Variants in PCED1B observed in about 807,000 individuals in gnomAD.
The protein encoded by PCED1B is PC-esterase domain-containing protein 1B.
For missense variants in PCED1B, 573 were observed against 573.9 expected (o/e 1.00, Z 0.02); for synonymous variants, 251 against 246.1 (o/e 1.02, Z -0.19).
intron 2 of PCED1B, among the ~76,000 whole-genome samples, chr12:47,211,797 T>C (rs950920975): frequency 2.0e-5 from 3 of 150,760 alleles, no homozygotes; most frequent in African/African-American, 7.3e-5. Context: ...ATCTCTCGGC[T>C]GGGCACGGTG....
At chr12:47,100,994 C>T (rs1354935790) in intron 1 of PCED1B, among the ~76,000 whole-genome samples, 3 of 152,026 alleles carry the variant, frequency 2.0e-5, no homozygotes, top group South Asian at 2.1e-4. Context: ...CACTTGAACC[C>T]GGGAGGTGGA....
At chr12:47,124,422 T>G (rs1457103110) in intron 2 of PCED1B, among the ~76,000 whole-genome samples, 1 of 151,950 alleles carries the variant, frequency 6.6e-6, no homozygotes, top group Admixed American at 6.6e-5. Context: ...ATTCACCTGT[T>G]GACAAGCATT....
intron 1 of PCED1B, among the ~76,000 whole-genome samples, chr12:47,100,270 G>T (rs1042946955): frequency 6.6e-6 from 1 of 152,104 alleles, no homozygotes; most frequent in African/African-American, 2.4e-5. Context: ...TGGCATGCTT[G>T]GATCTCTATC....
chr12:47,176,135 A>G (rs1029397160), intron 2 of PCED1B, among the ~76,000 whole-genome samples: 2 of 152,158 alleles, frequency 1.3e-5, no homozygotes, highest in African/African-American at 4.8e-5. Context: ...TAAAATCAGG[A>G]AAACATAAGG....
chr12:47,228,502 A>G (rs146652400), intron 3 of PCED1B, among the ~76,000 whole-genome samples: 124 of 152,310 alleles, frequency 8.1e-4, no homozygotes, highest in African/African-American at 2.2e-3. Flanking sequence ...TCCTTCTTCT[A>G]TTAGAGATAG....
At chr12:47,086,031 G>A (rs939745333) in intron 1 of PCED1B, among the ~76,000 whole-genome samples, 2 of 152,146 alleles carry the variant, frequency 1.3e-5, no homozygotes, top group Non-Finnish European at 2.9e-5. Flanking sequence ...TGTGCTAGGC[G>A]CTATTCTTTA....
At chr12:47,116,473 G>T (rs189978565) in intron 2 of PCED1B, among the ~76,000 whole-genome samples, 136 of 152,128 alleles carry the variant, frequency 8.9e-4, no homozygotes, top group African/African-American at 3.2e-3. Flanking sequence ...TTTTTTTCTA[G>T]TCACAAAATT....
At chr12:47,184,414 T>C (rs559503616) in intron 2 of PCED1B, among the ~76,000 whole-genome samples, 4 of 152,136 alleles carry the variant, frequency 2.6e-5, no homozygotes, top group Non-Finnish European at 4.4e-5. Flanking sequence ...ATCCAGGTGA[T>C]GCCAAGTAGC....
chr12:47,171,170 C>T (rs138938989), intron 2 of PCED1B, among the ~76,000 whole-genome samples: 2,792 of 149,298 alleles, frequency 0.019, 72 homozygotes, highest in African/African-American at 0.054. Flanking sequence ...CGGGTTCAAG[C>T]GATTGCTCTG....
intron 2 of PCED1B, among the ~76,000 whole-genome samples, chr12:47,207,922 T>C (rs980303123): frequency 1.1e-4 from 16 of 152,216 alleles, no homozygotes; most frequent in African/African-American, 3.9e-4. Flanking sequence ...TTTCATAGCT[T>C]ACTTCCTCCT....
At chr12:47,227,733 A>G (rs1263093689) in intron 3 of PCED1B, among the ~76,000 whole-genome samples, 1 of 151,962 alleles carries the variant, frequency 6.6e-6, no homozygotes, top group Non-Finnish European at 1.5e-5. Context: ...AAGTGCCTGT[A>G]ATTGCAGGTA....
intron 2 of PCED1B, among the ~76,000 whole-genome samples, chr12:47,181,543 T>A (rs1487102847): frequency 2.0e-5 from 3 of 151,994 alleles, no homozygotes; most frequent in Non-Finnish European, 4.4e-5. Context: ...TTCTTTTTAT[T>A]TTTAGTAGAG....
intron 2 of PCED1B, among the ~76,000 whole-genome samples, chr12:47,105,241 G>A (rs896019575): frequency 6.6e-6 from 1 of 152,088 alleles, no homozygotes; most frequent in Non-Finnish European, 1.5e-5. Flanking sequence ...GAGTGAACGC[G>A]GTGGGGGGCG....
chr12:47,178,978 G>A (rs978056532), intron 2 of PCED1B, among the ~76,000 whole-genome samples: 2 of 151,648 alleles, frequency 1.3e-5, no homozygotes, highest in African/African-American at 2.4e-5. Flanking sequence ...CATTACTATT[G>A]TTTACAACAG....
At chr12:47,212,541 C>G (rs761706187) in intron 2 of PCED1B, among the ~76,000 whole-genome samples, 6 of 152,094 alleles carry the variant, frequency 3.9e-5, no homozygotes, top group Admixed American at 2.6e-4. Context: ...CTCAATCTCC[C>G]CGAGCTTCAA....
rs765040709 is a variant in PCED1B at position 47,219,637 on chromosome 12, A to G, written c.-58+2948A>G. Among the ~76,000 whole-genome samples, 4 of 152,338 alleles carry G rather than the reference A, an allele frequency of 2.6e-5. No individual in the cohort carries two copies. In the East Asian group the frequency reaches 7.7e-4, roughly 29 times the overall value. ...GGGTTTTCCATCGGCTTTTAAGAAG[A>G]CTAGCTAACAGAGTGATGAAAATCG... On this transcript the variant is annotated intron_variant, in intron 3 of 3. Coordinates refer to ENST00000546455, the MANE Select transcript of PCED1B (RefSeq NM_138371.3).
chr12:47,106,788 C>CT (rs1043811171), intron 2 of PCED1B, among the ~76,000 whole-genome samples: 8 of 151,800 alleles, frequency 5.3e-5, no homozygotes, highest in African/African-American at 9.7e-5. Flanking sequence ...TTTCCTCCAG[C>CT]TTTTTTTTTC....
intron 2 of PCED1B, among the ~76,000 whole-genome samples, chr12:47,124,387 T>G (rs1434622408): frequency 6.6e-6 from 1 of 152,056 alleles, no homozygotes; most frequent in African/African-American, 2.4e-5. Context: ...TTCCATTGCA[T>G]GGATATACCA....
Position 47,101,992 on chromosome 12 carries a change from T to G in PCED1B, c.-608-2121T>G, listed in dbSNP as rs149882286. On this transcript the variant is annotated intron_variant, in intron 1 of 3. Transcript: ENST00000546455. ...AGATTTGAATTTATTATGCATTATT[T>G]CTAAGAGAGAACTCAGAGAAATCAT... Among the ~76,000 whole-genome samples, 555 of 152,292 alleles carry G rather than the reference T, an allele frequency of 3.6e-3. 9 individuals are homozygous for G. Among genetic ancestry groups the G allele is most frequent in the African/African-American group, 0.013 (542 of 41,562 alleles).
Sources: gnomAD v4.1 joint callset for allele counts (sites outside exome capture counted in the v4.1 genomes callset) on GRCh38, gnomAD v4.1.1 for gene constraint, MANE v1.5 for transcripts, NCBI Gene and HGNC (gene_info 2026-07-23, HGNC 2026-07-21) for gene names.